Variants in RRP12 observed in about 807,000 individuals in gnomAD.
The protein encoded by RRP12 is RRP12-like protein.
RRP12 carries 78 observed loss-of-function variants against 157.3 expected under a neutral mutation model. That is an observed-to-expected ratio of 0.50 (90% confidence interval 0.41 to 0.60). The LOEUF is 0.60. RRP12 is among the 20% of genes least tolerant of loss of function. RRP12 has a pLI of 0.00. For missense variants in RRP12, 1,521 were observed against 1,679.9 expected, an observed-to-expected ratio of 0.91 and a Z score of 1.65; for synonymous variants, 726 against 670.9, an observed-to-expected ratio of 1.08 and a Z score of -1.27.
At chr10:97,386,036 A>G (rs1346585022) in intron 8 of RRP12, 43 bp from the exon 9 acceptor site, 1 of 1,386,104 alleles carries the variant, frequency 7.2e-7, no homozygotes. Context: ...TACAAAGCCC[A>G]CGGCTGGCCC....
rs953720300 is a variant in RRP12 at position 97,401,032 on chromosome 10, T to C, written c.139+61A>G. The C allele has an allele frequency of 2.4e-5, 38 of 1,588,182 alleles. No individual in the cohort carries two copies. Among genetic ancestry groups the C allele is most frequent in the Non-Finnish European group, 3.1e-5 (36 of 1,168,396 alleles). On this transcript the variant is annotated intron_variant, in intron 1 of 33. Transcript: ENST00000370992. ...CACTCTCCCAGAGGCCCCAGACTCATCTGGACCCAGGTCTGCCTGGAACCC... is the reference window on the plus strand; with the variant it reads ...CACTCTCCCAGAGGCCCCAGACTCACCTGGACCCAGGTCTGCCTGGAACCC...
At position 97,357,097 on chromosome 10, in the gene RRP12, G is replaced by T. The variant is rs984041462; in HGVS notation, c.3891C>A (p.Pro1297=). The T allele has an allele frequency of 4.4e-6, 7 of 1,608,218 alleles. No homozygotes were observed. Among genetic ancestry groups the T allele is most frequent in the Non-Finnish European group, 6.0e-6 (7 of 1,175,084 alleles). ...GHKNRRKDRR[P] is the part of the protein sequence containing the mutation. ...GGCAGCCCAGGGGCCCTGGGCCTCA[G>T]GGTCGACGATCCTTTCTGCGGTTTT... is the stretch of plus-strand genomic sequence containing the variant. Residue 1297 remains proline (P), a synonymous_variant, in exon 34 of 34, where the codon CCC becomes CCA. Transcript: ENST00000370992.
At chr10:97,399,509 A>AT (rs1258524243) in intron 2 of RRP12, among the ~76,000 whole-genome samples, 1 of 151,870 alleles carries the variant, frequency 6.6e-6, no homozygotes, top group African/African-American at 2.4e-5. Context: ...GAATTTTGAC[A>AT]TTTTTTATTT....
chr10:97,364,671 C>T (rs1350126613), intron 29 of RRP12, among the ~76,000 whole-genome samples: 9 of 152,196 alleles, frequency 5.9e-5, no homozygotes, highest in African/African-American at 1.7e-4. Flanking sequence ...GAGTCGAGAT[C>T]GAGCCACTGC....
chr10:97,370,344 G>A lies in RRP12; in HGVS notation c.2690-70C>T, dbSNP rs966521779. The A allele has an allele frequency of 8.7e-6, 12 of 1,386,088 alleles. No individual in the cohort carries two copies. The Admixed American group carries it at 1.2e-4, about 14-fold the overall frequency. 85.9% of individuals were successfully genotyped at this position (1,386,088 alleles called of 1,614,324 possible). On this transcript the variant is annotated intron_variant, in intron 23 of 33. Coordinates refer to ENST00000370992, the MANE Select transcript of RRP12 (RefSeq NM_015179.4). Reference sequence around the variant, plus strand: ...GGTAGGGGGGCTGAGGGCCAGAGAGGAGCAGCCTGCCCAGGGCCAGGGCAC... The same window carrying A: ...GGTAGGGGGGCTGAGGGCCAGAGAGAAGCAGCCTGCCCAGGGCCAGGGCAC...
intron 20 of RRP12, chr10:97,371,819 G>A: frequency 2.4e-6 from 1 of 412,114 alleles, no homozygotes. Flanking sequence ...GCCAGGCAAA[G>A]GAGCATGGCC....
chr10:97,400,735 G>A (rs1180262827), intron 1 of RRP12, among the ~76,000 whole-genome samples: 1 of 152,146 alleles, frequency 6.6e-6, no homozygotes, highest in African/African-American at 2.4e-5. Flanking sequence ...AAAAGTTTCT[G>A]CTTCCCTGTA....
intron 27 of RRP12, 38 bp from the exon 28 acceptor site, chr10:97,366,659 AG>A: frequency 6.2e-7 from 1 of 1,601,872 alleles, no homozygotes; most frequent in Non-Finnish European, 8.5e-7. Flanking sequence ...TGCTCCCAGG[AG>A]AGGCGGGGGT....
intron 20 of RRP12, 49 bp downstream of exon 20, chr10:97,372,024 A>G: frequency 7.4e-7 from 1 of 1,349,974 alleles, no homozygotes. Context: ...CCCACAGCCC[A>G]TCTGCCCCCA....
chr10:97,359,671 G>A (rs1013764317), intron 31 of RRP12, among the ~76,000 whole-genome samples: 6 of 152,330 alleles, frequency 3.9e-5, no homozygotes, highest in African/African-American at 1.4e-4. Context: ...TGTTTTTGCA[G>A]ATGAGAAACT....
intron 13 of RRP12, among the ~76,000 whole-genome samples, chr10:97,380,154 C>T (rs758560478): frequency 1.3e-5 from 2 of 152,214 alleles, no homozygotes; most frequent in Non-Finnish European, 2.9e-5. Flanking sequence ...CAAGGCCCTG[C>T]CTGGCCTCTT....
chr10:97,400,316 CA>C lies in RRP12; in HGVS notation c.357del (p.Ala120ProfsTer15), dbSNP rs772936300. 1.2e-6 allele frequency: 2 copies of C among 1,613,944 alleles called. No individual in the cohort carries two copies. Among genetic ancestry groups the C allele is most frequent in the Non-Finnish European group, 1.7e-6 (2 of 1,179,862 alleles). ...KVQRFWESNS[A>X]AHKEICAVLA... Reference sequence around the variant, plus strand: ...ACCCTCGCCCCTACCTCCTTGTGGGCAGCCGAGTTGGACTCCCAGAAGCGCT... The same window carrying C: ...ACCCTCGCCCCTACCTCCTTGTGGGCGCCGAGTTGGACTCCCAGAAGCGCT... On this transcript the variant is annotated frameshift_variant, in exon 2 of 34. Coordinates refer to ENST00000370992, the MANE Select transcript of RRP12 (RefSeq NM_015179.4). LOFTEE classifies it high-confidence loss of function.
chr10:97,384,062 C>T (rs1324679488), intron 10 of RRP12, among the ~76,000 whole-genome samples: 1 of 152,210 alleles, frequency 6.6e-6, no homozygotes, highest in Non-Finnish European at 1.5e-5. Flanking sequence ...GTCTCCGGCT[C>T]ACGTCCCCTC....
Position 97,390,802 on chromosome 10 carries a change from G to A in RRP12, c.573C>T (p.Ser191=), listed in dbSNP as rs776798402. The A allele has an allele frequency of 1.9e-6, 3 of 1,613,878 alleles. No individual in the cohort carries two copies. In the Admixed American group the frequency reaches 5.0e-5, roughly 27 times the overall value. Residue 191 remains serine, a synonymous_variant, in exon 5 of 34, where the codon TCC becomes TCT. Transcript: ENST00000370992. Reference sequence around the variant, plus strand: ...CTGACATGATATCCATGAAGGCTTTGGAGGTATCAGAGAACTTCTTAATAA... The same window carrying A: ...CTGACATGATATCCATGAAGGCTTTAGAGGTATCAGAGAACTTCTTAATAA... ...PVLIKKFSDT[S]KAFMDIMSAQ... is the part of the protein sequence containing the mutation.
chr10:97,391,022 C>T (rs971560955), intron 4 of RRP12, among the ~76,000 whole-genome samples, 178 bp from the exon 5 acceptor site: 19 of 152,216 alleles, frequency 1.2e-4, no homozygotes, highest in Non-Finnish European at 1.2e-4. Flanking sequence ...GCTTTCCACC[C>T]GGGATCCCTG....
At chr10:97,397,994 T>TAC (rs1845017955) in intron 2 of RRP12, among the ~76,000 whole-genome samples, 1 of 20,392 alleles carries the variant, frequency 4.9e-5, no homozygotes, top group Non-Finnish European at 1.1e-4. Flanking sequence ...AAAAAATACG[T>TAC]ATATATATAT....
rs188271974 is a variant in RRP12, at chr10:97,388,706, T to C, written c.754-82A>G. The C allele has an allele frequency of 3.4e-4, 524 of 1,540,130 alleles. 2 individuals carry two copies. In the African/African-American group the frequency reaches 6.5e-3, roughly 19 times the overall value. On this transcript the variant is annotated intron_variant, in intron 6 of 33. Transcript: ENST00000370992. The stretch of plus-strand genomic sequence containing the variant: ...GGTGTCCGGCACAAGCACCAACCAA[T>C]TAGCTTTGGCTGAAATATAGATCCA...
intron 29 of RRP12, 94 bp from the exon 30 acceptor site, chr10:97,363,997 G>T: frequency 1.8e-6 from 2 of 1,101,326 alleles, no homozygotes; most frequent in Non-Finnish European, 2.8e-6. Flanking sequence ...AGGCTGCGGG[G>T]CCACCAACTC....
chr10:97,369,753 G>A (rs1205898356), intron 24 of RRP12, among the ~76,000 whole-genome samples, 171 bp from the exon 25 acceptor site: 1 of 152,186 alleles, frequency 6.6e-6, no homozygotes. Context: ...GGGTCCTTTC[G>A]TCACCCTGAG....
Sources: allele counts gnomAD v4.1 joint callset (sites outside exome capture counted in the v4.1 genomes callset), GRCh38; gene constraint gnomAD v4.1.1; transcripts MANE v1.5; gene names NCBI Gene and HGNC (gene_info 2026-07-23, HGNC 2026-07-21).